The following GRM7 variants were observed in gnomAD, a reference collection of about 807,000 sequenced individuals.
GRM7 encodes metabotropic glutamate receptor 7.
A neutral mutation model predicts 84.5 loss-of-function variants in GRM7; 35 were observed. The observed-to-expected ratio is 0.41, with a 90% CI of 0.32 to 0.55. GRM7 has a LOEUF of 0.55. Ranked by LOEUF, GRM7 falls within the 20% of genes least tolerant of loss-of-function variation. The pLI is 0.19. For synonymous variants in GRM7, 487 were observed against 455.1 expected, an observed-to-expected ratio of 1.07 and a Z score of -0.89; for missense variants, 1,003 against 1,194.6, an observed-to-expected ratio of 0.84 and a Z score of 2.36.
At chr3:7,345,744 G>A (rs1164483581) in intron 4 of GRM7, among the ~76,000 whole-genome samples, 1 of 151,998 alleles carries the variant, frequency 6.6e-6, no homozygotes, top group Non-Finnish European at 1.5e-5. Context: ...GTTTACAGAT[G>A]CTCCCCATTT....
intron 8 of GRM7, among the ~76,000 whole-genome samples, chr3:7,582,880 C>T (rs904934109): frequency 6.6e-5 from 10 of 152,232 alleles, no homozygotes; most frequent in South Asian, 2.1e-4. Context: ...GTCTGGAATG[C>T]GGCATAGAAC....
chr3:6,884,510 A>G (rs1357946293), intron 1 of GRM7, among the ~76,000 whole-genome samples: 2 of 152,162 alleles, frequency 1.3e-5, no homozygotes, highest in East Asian at 1.9e-4. Context: ...CACCATTTTG[A>G]CCATTTAAAT....
chr3:7,362,788 G>A (rs1245576934), intron 4 of GRM7, among the ~76,000 whole-genome samples: 2 of 152,114 alleles, frequency 1.3e-5, no homozygotes, highest in Non-Finnish European at 2.9e-5. Context: ...TGATACTTGA[G>A]TAATATTATG....
chr3:7,375,154 C>A (rs1003514534), intron 4 of GRM7, among the ~76,000 whole-genome samples: 2 of 151,448 alleles, frequency 1.3e-5, no homozygotes, highest in African/African-American at 4.9e-5. Context: ...CAATCAAGTC[C>A]ATACTGCTCA....
chr3:7,544,413 C>G (rs1030332027), intron 7 of GRM7, among the ~76,000 whole-genome samples: 3 of 152,080 alleles, frequency 2.0e-5, no homozygotes, highest in Non-Finnish European at 4.4e-5. Context: ...TCCTCAGCCT[C>G]GCAAAGCACC....
At chr3:6,981,333 C>A (rs1177919767) in intron 1 of GRM7, among the ~76,000 whole-genome samples, 1 of 152,154 alleles carries the variant, frequency 6.6e-6, no homozygotes, top group Non-Finnish European at 1.5e-5. Flanking sequence ...TGTGGGCTTT[C>A]TTTGGTGTTG....
chr3:6,968,823 T>C (rs1245048536), intron 1 of GRM7, among the ~76,000 whole-genome samples: 1 of 152,156 alleles, frequency 6.6e-6, no homozygotes, highest in African/African-American at 2.4e-5. Context: ...CACTTAACCA[T>C]TGTTACCCAT....
At chr3:7,577,353 A>G (rs1156532340) in intron 7 of GRM7, among the ~76,000 whole-genome samples, 1 of 152,170 alleles carries the variant, frequency 6.6e-6, no homozygotes, top group Non-Finnish European at 1.5e-5. Flanking sequence ...ATGGTGATGC[A>G]CTCTCAATTT....
In GRM7 at chr3:7,430,534, T is replaced by C. The variant is rs375418516; in HGVS notation, c.1174+15371T>C. On this transcript the variant is annotated intron_variant, in intron 5 of 9. Coordinates refer to ENST00000357716, the MANE Select transcript of GRM7 (RefSeq NM_000844.4). ...CGTCGCTGTTAGAATGTAAATGCTA[T>C]AAGTACTTTAGAACACTTCTTTAGA... 1.9e-4 allele frequency among the ~76,000 whole-genome samples: 29 copies of C among 152,366 alleles called. No homozygotes were observed. The South Asian group carries it at 4.8e-3, about 25-fold the overall frequency.
chr3:6,990,054 A>G (rs1694575810), intron 1 of GRM7, among the ~76,000 whole-genome samples: 1 of 152,166 alleles, frequency 6.6e-6, no homozygotes, highest in South Asian at 2.1e-4. Context: ...AATTACCTAT[A>G]TCCCTCCCTT....
At chr3:7,429,360 A>C (rs1559315576) in intron 5 of GRM7, among the ~76,000 whole-genome samples, 1 of 152,190 alleles carries the variant, frequency 6.6e-6, no homozygotes, top group African/African-American at 2.4e-5. Context: ...ATTTTTGGAC[A>C]ATTGAAATAT....
intron 7 of GRM7, among the ~76,000 whole-genome samples, chr3:7,473,040 G>C (rs1227167424): frequency 6.6e-6 from 1 of 152,198 alleles, no homozygotes; most frequent in Non-Finnish European, 1.5e-5. Flanking sequence ...TTCTCTGGCT[G>C]CGAAAGGCAA....
At chr3:7,676,585 AG>A (rs201084370) in intron 8 of GRM7, among the ~76,000 whole-genome samples, 2 of 83,496 alleles carry the variant, frequency 2.4e-5, no homozygotes, top group Non-Finnish European at 4.2e-5. Context: ...CAGCCTCCTG[AG>A]TTACTGGGAT....
intron 2 of GRM7, among the ~76,000 whole-genome samples, chr3:7,183,902 AT>A (rs1695428089): frequency 6.6e-6 from 1 of 152,350 alleles, no homozygotes; most frequent in African/African-American, 2.4e-5. Flanking sequence ...GAGAGATTTA[AT>A]TTGGAACATG....
intron 1 of GRM7, among the ~76,000 whole-genome samples, chr3:6,897,690 A>C (rs1479467476): frequency 6.6e-6 from 1 of 152,220 alleles, no homozygotes; most frequent in Non-Finnish European, 1.5e-5. Context: ...TAAAGGTAAT[A>C]ATGTGGTTTG....
Position 6,929,224 on chromosome 3 carries a change from G to A in GRM7, c.519+67317G>A, listed in dbSNP as rs905357400. Among the ~76,000 whole-genome samples, 13 of 152,092 alleles carry A rather than the reference G, an allele frequency of 8.5e-5. No homozygotes were observed. In the East Asian group the frequency reaches 1.9e-3, roughly 23 times the overall value. On this transcript the variant is annotated intron_variant, in intron 1 of 9. Coordinates refer to ENST00000357716, the MANE Select transcript of GRM7 (RefSeq NM_000844.4). ...TGGTTCCTCTAGCTGGCAAGAGGGC[G>A]CATATTCATTTTTTAATAACACACA... is the stretch of plus-strand genomic sequence containing the variant.
intron 1 of GRM7, among the ~76,000 whole-genome samples, chr3:6,979,463 T>G (rs373035631): frequency 2.8e-4 from 43 of 152,296 alleles, no homozygotes; most frequent in African/African-American, 9.1e-4. Flanking sequence ...CAACCACGTT[T>G]CTAGGACTCA....
At chr3:7,043,751 T>G (rs1696709341) in intron 1 of GRM7, among the ~76,000 whole-genome samples, 1 of 152,196 alleles carries the variant, frequency 6.6e-6, no homozygotes, top group Non-Finnish European at 1.5e-5. Flanking sequence ...TGTGCATCAA[T>G]TTTTAAAAAA....
intron 1 of GRM7, among the ~76,000 whole-genome samples, chr3:7,060,859 T>A (rs6793641): frequency 0.24 from 36,257 of 151,424 alleles, 4,663 homozygotes; most frequent in African/African-American, 0.34. Context: ...GTTGATGTTT[T>A]TGTGTCCTAT....
Sources: gnomAD v4.1 joint callset for allele counts (sites outside exome capture counted in the v4.1 genomes callset) on GRCh38, gnomAD v4.1.1 for gene constraint, MANE v1.5 for transcripts, NCBI Gene and HGNC (gene_info 2026-07-23, HGNC 2026-07-21) for gene names.